The following CNTLN variants were observed in gnomAD, a reference collection of about 807,000 sequenced individuals.
The protein encoded by CNTLN is centlein, centrosomal protein.
In CNTLN, 212 loss-of-function variants were observed where a neutral mutation model predicts 180.0. That is an observed-to-expected ratio of 1.18 (90% CI 1.05 to 1.32). CNTLN has a LOEUF of 1.32. Ranked by LOEUF, CNTLN falls within the 40% of genes most tolerant of loss-of-function variation. The probability of loss-of-function intolerance (pLI) is 0.00; values close to 1 mark genes in which losing one functional copy is unlikely to be tolerated. For missense variants in CNTLN, 2,095 were observed against 1,610.9 expected, an observed-to-expected ratio of 1.30 and a Z score of -5.14; for synonymous variants, 722 against 563.1, an observed-to-expected ratio of 1.28 and a Z score of -3.99.
At chr9:17,331,118 T>A (rs2133115340) in intron 9 of CNTLN, among the ~76,000 whole-genome samples, 1 of 152,042 alleles carries the variant, frequency 6.6e-6, no homozygotes, top group East Asian at 1.9e-4. Context: ...TATTAATCTA[T>A]CTGATTAAAA....
At chr9:17,264,183 C>T (rs992054916) in intron 5 of CNTLN, among the ~76,000 whole-genome samples, 1 of 143,862 alleles carries the variant, frequency 7.0e-6, no homozygotes, top group East Asian at 2.2e-4. Context: ...TTAGGTCTAA[C>T]ATTTAAGTCT....
chr9:17,259,896 A>G (rs1826821345), intron 5 of CNTLN, among the ~76,000 whole-genome samples: 1 of 133,812 alleles, frequency 7.5e-6, no homozygotes, highest in Non-Finnish European at 1.5e-5. Context: ...CTAGCGGTCT[A>G]TCTATTTTGT....
intron 18 of CNTLN, among the ~76,000 whole-genome samples, chr9:17,453,681 G>A (rs1830932853): frequency 6.6e-6 from 1 of 152,190 alleles, no homozygotes; most frequent in African/African-American, 2.4e-5. Flanking sequence ...CAGTGTGTCA[G>A]CCAGGCTGCC....
chr9:17,164,147 A>G (rs544599250), intron 2 of CNTLN, among the ~76,000 whole-genome samples: 1 of 151,968 alleles, frequency 6.6e-6, no homozygotes, highest in East Asian at 2.0e-4. Context: ...ACCCATCTCT[A>G]CTAAAAATAC....
intron 15 of CNTLN, among the ~76,000 whole-genome samples, chr9:17,403,310 G>C (rs1173560555): frequency 6.6e-6 from 1 of 151,832 alleles, no homozygotes; most frequent in Non-Finnish European, 1.5e-5. Flanking sequence ...ACATGGCACA[G>C]GTGTCCTGCC....
At chr9:17,345,709 A>G (rs939070825) in intron 12 of CNTLN, among the ~76,000 whole-genome samples, 2 of 151,966 alleles carry the variant, frequency 1.3e-5, no homozygotes, top group African/African-American at 2.4e-5. Context: ...CTCTAATTAC[A>G]TTGAGAACCT....
intron 2 of CNTLN, among the ~76,000 whole-genome samples, chr9:17,216,488 A>G (rs1823762672): frequency 6.6e-6 from 1 of 152,078 alleles, no homozygotes; most frequent in Non-Finnish European, 1.5e-5. Flanking sequence ...ACATGTTTTT[A>G]TTGGCCGGTT....
chr9:17,359,717 TAAAAATACAAAA>T (rs1245148817), intron 12 of CNTLN, among the ~76,000 whole-genome samples: 6 of 13,478 alleles, frequency 4.5e-4, no homozygotes, highest in Admixed American at 3.6e-3. Context: ...CCGTCTATAC[TAAAAATACAAAA>T]AAAAAAAAAA....
At chr9:17,283,680 T>C (rs1828801028) in intron 6 of CNTLN, among the ~76,000 whole-genome samples, 1 of 152,206 alleles carries the variant, frequency 6.6e-6, no homozygotes, top group African/African-American at 2.4e-5. Context: ...GTGCCAGTTT[T>C]CAAGGGAAAT....
At position 17,394,599 on chromosome 9, in the gene CNTLN, T is replaced by TA. The variant is rs757550221; in HGVS notation, c.2151dup (p.Leu718IlefsTer6). On this transcript the variant is annotated frameshift_variant, in exon 15 of 26. Transcript: ENST00000380647. LOFTEE classifies it high-confidence loss of function. ...GGTCGAGAAAATTAAAAGAAGGGAA[T>TA]AAAAAATTAATGAAAGAAAATGATT... The TA allele has an allele frequency of 2.5e-6, 4 of 1,595,816 alleles. No individual in the cohort carries two copies. The South Asian group carries it at 4.6e-5, about 19-fold the overall frequency.
At chr9:17,392,188 G>T (rs111432600) in intron 14 of CNTLN, among the ~76,000 whole-genome samples, 2,654 of 152,184 alleles carry the variant, frequency 0.017, 82 homozygotes, top group African/African-American at 0.061. Context: ...GATCACTTGA[G>T]CCCAGGAGGT....
rs554072002 is a variant in CNTLN, at chr9:17,295,175, C to T, written c.984-3015C>T. ...CCCGGAACTCTAGCTGGCCCGCAGG[C>T]GCTGCACGCAGCCCCAGTTCCCGCC... is the stretch of plus-strand genomic sequence containing the variant. On this transcript the variant is annotated intron_variant, in intron 6 of 25. Coordinates refer to ENST00000380647, the MANE Select transcript of CNTLN (RefSeq NM_017738.4). Among the ~76,000 whole-genome samples, 371 of 152,112 alleles carry T rather than the reference C, an allele frequency of 2.4e-3. 2 individuals carry two copies. Among genetic ancestry groups the T allele is most frequent in the African/African-American group, 8.7e-3 (362 of 41,552 alleles).
chr9:17,358,937 A>G (rs1350217059), intron 12 of CNTLN, among the ~76,000 whole-genome samples: 2 of 152,202 alleles, frequency 1.3e-5, no homozygotes, highest in Non-Finnish European at 2.9e-5. Context: ...GTTAAGCAGT[A>G]AAGCTTTTAG....
At position 17,503,196 on chromosome 9, in the gene CNTLN, A is replaced by C. The variant is rs778596986; in HGVS notation, c.*544A>C. On this transcript the variant is annotated 3_prime_UTR_variant, in exon 26 of 26. Coordinates refer to ENST00000380647, the MANE Select transcript of CNTLN (RefSeq NM_017738.4). ...TGATGTGCTGGTTTATGTAGGAGAT[A>C]CTGTGTATTTCTACAACTCTTTGGC... The C allele has an allele frequency of 6.6e-6, 1 of 152,274 alleles. No individual in the cohort carries two copies. The highest frequency in any genetic ancestry group is 1.5e-5 in the Non-Finnish European group (1 of 68,104). 9.4% of individuals were successfully genotyped at this position (152,274 alleles called of 1,614,324 possible).
At chr9:17,492,719 G>C (rs966444226) in intron 25 of CNTLN, among the ~76,000 whole-genome samples, 1 of 152,154 alleles carries the variant, frequency 6.6e-6, no homozygotes, top group East Asian at 1.9e-4. Flanking sequence ...ATATTATCCA[G>C]TAATTCTGCC....
At chr9:17,251,565 C>G (rs1826142899) in intron 5 of CNTLN, among the ~76,000 whole-genome samples, 1 of 151,778 alleles carries the variant, frequency 6.6e-6, no homozygotes, top group Non-Finnish European at 1.5e-5. Context: ...TTTTCAGCTC[C>G]TGAATTACTT....
the CNTLN span, among the ~76,000 whole-genome samples, chr9:17,514,923 A>G: frequency 6.6e-6 from 1 of 152,248 alleles, no homozygotes. Context: ...TTTTGAGGAT[A>G]GAAGCCATGT....
chr9:17,528,480 A>G, the CNTLN span, among the ~76,000 whole-genome samples: 7 of 152,248 alleles, frequency 4.6e-5, no homozygotes, highest in Admixed American at 2.0e-4. Flanking sequence ...ATGCTCATCA[A>G]AAACGTCTGA....
chr9:17,156,064 C>A (rs947882358), intron 2 of CNTLN, among the ~76,000 whole-genome samples: 5 of 152,214 alleles, frequency 3.3e-5, no homozygotes, highest in African/African-American at 4.8e-5. Context: ...GCTGCACCCA[C>A]TGTTCAGCGA....
Sources: allele counts gnomAD v4.1 joint callset (sites outside exome capture counted in the v4.1 genomes callset), GRCh38; gene constraint gnomAD v4.1.1; transcripts MANE v1.5; gene names NCBI Gene and HGNC (gene_info 2026-07-23, HGNC 2026-07-21).